PHACTR2: variants seen among roughly 807,000 people sequenced by gnomAD.
PHACTR2 encodes the protein chromosome 6 open reading frame 56.
Under a neutral mutation model 76.0 loss-of-function variants are expected in PHACTR2, and 30 were observed. The observed-to-expected ratio is 0.39, with a 90% CI of 0.30 to 0.54. PHACTR2 has a LOEUF of 0.54. PHACTR2 is among the 20% of genes least tolerant of loss of function. PHACTR2 has a pLI of 0.61. For missense variants in PHACTR2, 696 were observed against 781.1 expected (o/e 0.89, Z 1.30); for synonymous variants, 292 against 292.5 (o/e 1.00, Z 0.02).
In PHACTR2 at chr6:143,823,791, C is replaced by T. The variant is rs760860984; in HGVS notation, c.*102C>T. On this transcript the variant is annotated 3_prime_UTR_variant, in exon 13 of 13. Coordinates refer to ENST00000440869, the MANE Select transcript of PHACTR2 (RefSeq NM_001100164.2). The surrounding 1 kb of genome is among the most constrained non-coding windows in gnomAD (Gnocchi z 5.7). ...ACTGGGATTTGAATGTGTGTGTTTC[C>T]GTTTAACTTGTGGTGAAGGAAGTGT... is the stretch of plus-strand genomic sequence containing the variant. 5.9e-5 allele frequency: 58 copies of T among 986,304 alleles called. No homozygotes were observed. Among genetic ancestry groups the T allele is most frequent in the Admixed American group, 3.4e-4 (20 of 58,554 alleles). 61.1% of individuals were successfully genotyped at this position (986,304 alleles called of 1,614,324 possible). A position where few individuals can be genotyped will look rare whatever the true frequency, so the allele number is the denominator to read the frequency against.
chr6:143,633,984 A>G lies in PHACTR2; in HGVS notation c.13+25662A>G, dbSNP rs1009030918. On this transcript the variant is annotated intron_variant, in intron 1 of 11. Coordinates refer to the PHACTR2 transcript ENST00000305766. This position sits in a 1 kb window ranked among gnomAD's most constrained non-coding sequence, Gnocchi z 4.1. ...ATCATAAAATGACTATGATAATTAT[A>G]TTTTATCCTACTTTTACAAAATACT... 1.3e-5 allele frequency among the ~76,000 whole-genome samples: 2 copies of G among 152,188 alleles called. No individual in the cohort carries two copies. Among genetic ancestry groups the G allele is most frequent in the Non-Finnish European group, 1.5e-5 (1 of 68,030 alleles).
chr6:143,683,175 T>C lies in PHACTR2; in HGVS notation c.46+4966T>C, dbSNP rs542644031. Among the ~76,000 whole-genome samples, 3 of 152,248 alleles carry C rather than the reference T, an allele frequency of 2.0e-5. No individual in the cohort carries two copies. The highest frequency in any genetic ancestry group is 4.4e-5 in the Non-Finnish European group (3 of 68,052). On this transcript the variant is annotated intron_variant, in intron 1 of 12. Coordinates refer to ENST00000440869, the MANE Select transcript of PHACTR2 (RefSeq NM_001100164.2). The surrounding 1 kb of genome is among the most constrained non-coding windows in gnomAD (Gnocchi z 4.1). ...CAAATAGGATGGTTTCGGTACCCTC[T>C]GGCATCATGCCCTAGGAGGATTGAG...
In PHACTR2 at chr6:143,765,197, G is replaced by C; in HGVS notation, c.695-64G>C. On this transcript the variant is annotated intron_variant, in intron 5 of 12. Transcript: ENST00000440869. This position sits in a 1 kb window ranked among gnomAD's most constrained non-coding sequence, Gnocchi z 4.1. Reference sequence around the variant, plus strand: ...TAAATGTTGTTGACAGTTACACCTTGGTTACTTTATTTTAAAAAGCATTGT... The same window carrying C: ...TAAATGTTGTTGACAGTTACACCTTCGTTACTTTATTTTAAAAAGCATTGT... The C allele has an allele frequency of 7.9e-7, 1 of 1,260,646 alleles. No homozygotes were observed. The highest frequency in any genetic ancestry group is 1.4e-5 in the South Asian group (1 of 71,578). 78.1% of individuals were successfully genotyped at this position (1,260,646 alleles called of 1,614,324 possible).
At chr6:143,622,445 A>G (rs1386896633) in intron 1 of PHACTR2, among the ~76,000 whole-genome samples, 5 of 152,182 alleles carry the variant, frequency 3.3e-5, no homozygotes, top group Non-Finnish European at 7.3e-5. Context: ...CTCAAGGGCA[A>G]TGTTACCTTA....
At chr6:143,692,616 A>G (rs1777671752) in intron 1 of PHACTR2, among the ~76,000 whole-genome samples, 1 of 152,252 alleles carries the variant, frequency 6.6e-6, no homozygotes, top group African/African-American at 2.4e-5. Context: ...ACAGAATGTC[A>G]GAACACACGT....
In PHACTR2 at chr6:143,648,004, A is replaced by G. The variant is rs990235029; in HGVS notation, c.13+39682A>G. Among the ~76,000 whole-genome samples the G allele has an allele frequency of 2.6e-5, 4 of 152,168 alleles. No individual in the cohort carries two copies. Among genetic ancestry groups the G allele is most frequent in the African/African-American group, 9.7e-5 (4 of 41,440 alleles). ...GTGTGGCCGCAGTGGAAATAAGGGAAGCAGGTAGGATCCTGCCGTGACCCG... is the reference window on the plus strand; with the variant it reads ...GTGTGGCCGCAGTGGAAATAAGGGAGGCAGGTAGGATCCTGCCGTGACCCG... On this transcript the variant is annotated intron_variant, in intron 1 of 11. Transcript: ENST00000305766. The surrounding 1 kb of genome is among the most constrained non-coding windows in gnomAD (Gnocchi z 6.7).
At position 143,627,056 on chromosome 6, in the gene PHACTR2, C is replaced by A. The variant is rs1776274784; in HGVS notation, c.13+18734C>A. On this transcript the variant is annotated intron_variant, in intron 1 of 11. Transcript: ENST00000305766. This position sits in a 1 kb window ranked among gnomAD's most constrained non-coding sequence, Gnocchi z 4.3. ...TCAATAGATTAGAACTATTTCTTAC[C>A]CTTGAGACGCCAACACTGTTGTGAG... Among the ~76,000 whole-genome samples, 1 of 152,116 alleles carries A rather than the reference C, an allele frequency of 6.6e-6. No homozygotes were observed. The highest frequency in any genetic ancestry group is 1.5e-5 in the Non-Finnish European group (1 of 68,024).
At position 143,646,873 on chromosome 6, in the gene PHACTR2, T is replaced by A. The variant is rs1468409929; in HGVS notation, c.13+38551T>A. On this transcript the variant is annotated intron_variant, in intron 1 of 11. Coordinates refer to the PHACTR2 transcript ENST00000305766. This position sits in a 1 kb window ranked among gnomAD's most constrained non-coding sequence, Gnocchi z 4.1. ...TGTCTGAATAGCAGAGAACGTTTTCTCATCCTTAGTTATGTTTGTTGTTCT... is the reference window on the plus strand; with the variant it reads ...TGTCTGAATAGCAGAGAACGTTTTCACATCCTTAGTTATGTTTGTTGTTCT... Among the ~76,000 whole-genome samples, 1 of 152,250 alleles carries A rather than the reference T, an allele frequency of 6.6e-6. No individual in the cohort carries two copies. The highest frequency in any genetic ancestry group is 1.5e-5 in the Non-Finnish European group (1 of 68,042).
In PHACTR2 at chr6:143,580,637, T is replaced by C. The variant is rs1775561881; in HGVS notation, c.217+43430T>C. Among the ~76,000 whole-genome samples, 1 of 151,878 alleles carries C rather than the reference T, an allele frequency of 6.6e-6. No individual in the cohort carries two copies. Among genetic ancestry groups the C allele is most frequent in the African/African-American group, 2.4e-5 (1 of 41,342 alleles). ...GCAGTGAACTGAGATCATGCCACTG[T>C]ACTCCAGCCTGGGTGACAGAGCAAG... is the stretch of plus-strand genomic sequence containing the variant. On this transcript the variant is annotated intron_variant, in intron 1 of 11. Transcript: ENST00000367584. The surrounding 1 kb of genome is among the most constrained non-coding windows in gnomAD (Gnocchi z 4.2).
chr6:143,697,122 A>G lies in PHACTR2; in HGVS notation c.47-14894A>G, dbSNP rs1277779550. 6.6e-6 allele frequency among the ~76,000 whole-genome samples: 1 copy of G among 152,242 alleles called. No individual in the cohort carries two copies. The highest frequency in any genetic ancestry group is 1.9e-4 in the East Asian group (1 of 5,202). The stretch of plus-strand genomic sequence containing the variant: ...ACATCTGTCATAATGCTATATTATC[A>G]AAGAATTTAATTTCAGATTAAAATG... On this transcript the variant is annotated intron_variant, in intron 1 of 12. Coordinates refer to ENST00000440869, the MANE Select transcript of PHACTR2 (RefSeq NM_001100164.2). This position sits in a 1 kb window ranked among gnomAD's most constrained non-coding sequence, Gnocchi z 4.4.
At chr6:143,620,439 T>C (rs1776133285) in intron 1 of PHACTR2, among the ~76,000 whole-genome samples, 1 of 141,970 alleles carries the variant, frequency 7.0e-6, no homozygotes, top group African/African-American at 2.9e-5. Flanking sequence ...AAGTTTTTTT[T>C]TTTTGGAAAA....
At chr6:143,606,321 TA>T (rs750303831), upstream of PHACTR2, among the ~76,000 whole-genome samples, 1 of 152,182 alleles carries the variant, frequency 6.6e-6, no homozygotes, top group Non-Finnish European at 1.5e-5. Context: ...AGATTTTATA[TA>T]AATCGCATTG....
In PHACTR2 at chr6:143,664,768, A is replaced by T. The variant is rs1777004874; in HGVS notation, c.14-47248A>T. The stretch of plus-strand genomic sequence containing the variant: ...TTTCATGCATACCACCCTTACCTCT[A>T]GGTTCATTTTCTTTCTTTATTTTTA... On this transcript the variant is annotated intron_variant, in intron 1 of 11. Transcript: ENST00000305766. This position sits in a 1 kb window ranked among gnomAD's most constrained non-coding sequence, Gnocchi z 5.1. Among the ~76,000 whole-genome samples, 1 of 151,602 alleles carries T rather than the reference A, an allele frequency of 6.6e-6. No individual in the cohort carries two copies. Among genetic ancestry groups the T allele is most frequent in the Admixed American group, 6.6e-5 (1 of 15,200 alleles).
intron 1 of PHACTR2, among the ~76,000 whole-genome samples, chr6:143,552,971 C>T (rs1291001457): frequency 1.3e-5 from 2 of 151,206 alleles, no homozygotes; most frequent in Admixed American, 6.6e-5. Context: ...TTTAGGAAAA[C>T]CGGCATGATC....
In PHACTR2 at chr6:143,596,607, G is replaced by A. The variant is rs1775759040; in HGVS notation, c.217+59400G>A. On this transcript the variant is annotated intron_variant, in intron 1 of 11. Transcript: ENST00000367584. This position sits in a 1 kb window ranked among gnomAD's most constrained non-coding sequence, Gnocchi z 4.6. ...TAATCCCAGCATTATGGGATGCCAAGGTGGGAGGATCACATGAGCCTAGTA... is the reference window on the plus strand; with the variant it reads ...TAATCCCAGCATTATGGGATGCCAAAGTGGGAGGATCACATGAGCCTAGTA... Among the ~76,000 whole-genome samples, 1 of 152,136 alleles carries A rather than the reference G, an allele frequency of 6.6e-6. No individual in the cohort carries two copies. Among genetic ancestry groups the A allele is most frequent in the African/African-American group, 2.4e-5 (1 of 41,428 alleles).
In PHACTR2 at chr6:143,663,362, A is replaced by G. The variant is rs995549404; in HGVS notation, c.14-48654A>G. On this transcript the variant is annotated intron_variant, in intron 1 of 11. Transcript: ENST00000305766. This position sits in a 1 kb window ranked among gnomAD's most constrained non-coding sequence, Gnocchi z 4.1. ...CTCCCCGTGGATGAATGAAGTACTG[A>G]ATATCCCAAAGCATTGAATCACTTC... is the stretch of plus-strand genomic sequence containing the variant. Among the ~76,000 whole-genome samples, 3 of 152,214 alleles carry G rather than the reference A, an allele frequency of 2.0e-5. No individual in the cohort carries two copies. The highest frequency in any genetic ancestry group is 6.5e-5 in the Admixed American group (1 of 15,282).
At position 143,585,632 on chromosome 6, in the gene PHACTR2, A is replaced by G. The variant is rs1775622020; in HGVS notation, c.217+48425A>G. Among the ~76,000 whole-genome samples, 1 of 152,210 alleles carries G rather than the reference A, an allele frequency of 6.6e-6. No homozygotes were observed. The highest frequency in any genetic ancestry group is 6.5e-5 in the Admixed American group (1 of 15,284). ...GTTCTGAAAAAGACTAATTGGGACC[A>G]GAAAGCAAGCTCCATGAAGGCAGAG... On this transcript the variant is annotated intron_variant, in intron 1 of 11. Coordinates refer to the PHACTR2 transcript ENST00000367584. The surrounding 1 kb of genome is among the most constrained non-coding windows in gnomAD (Gnocchi z 5.2).
At chr6:143,706,333 C>T (rs1181862611) in intron 1 of PHACTR2, among the ~76,000 whole-genome samples, 1 of 152,182 alleles carries the variant, frequency 6.6e-6, no homozygotes, top group African/African-American at 2.4e-5. Context: ...GGTGTTACTG[C>T]TTCTAGGCCT....
chr6:143,563,941 C>T (rs1775321152), intron 1 of PHACTR2, among the ~76,000 whole-genome samples: 1 of 151,670 alleles, frequency 6.6e-6, no homozygotes, highest in Non-Finnish European at 1.5e-5. Flanking sequence ...GAGGTCGAGG[C>T]TGCATTGAGC....
Sources: allele counts gnomAD v4.1 joint callset (sites outside exome capture counted in the v4.1 genomes callset), GRCh38; gene constraint gnomAD v4.1.1; non-coding constraint Gnocchi (gnomAD v3.1); transcripts MANE v1.5; gene names NCBI Gene and HGNC (gene_info 2026-07-23, HGNC 2026-07-21).